The following MGAT4A variants were observed in gnomAD, a reference collection of about 807,000 sequenced individuals.
MGAT4A encodes alpha-1,3-mannosyl-glycoprotein 4-beta-N-acetylglucosaminyltransferase A, also known as N-acetylglucosaminyltransferase IVa.
In MGAT4A, 33 loss-of-function variants were observed where a neutral mutation model predicts 74.1. That is an observed-to-expected ratio of 0.45 (90% CI 0.34 to 0.60). MGAT4A has a LOEUF of 0.60. Ranked by LOEUF, MGAT4A falls within the 20% of genes least tolerant of loss-of-function variation. The probability of loss-of-function intolerance (pLI) is 0.02; values close to 1 mark genes in which losing one functional copy is unlikely to be tolerated. For missense variants in MGAT4A, 479 were observed against 628.3 expected (o/e 0.76, Z 2.54); for synonymous variants, 198 against 210.4 (o/e 0.94, Z 0.51).
intron 4 of MGAT4A, among the ~76,000 whole-genome samples, chr2:98,666,293 TG>T (rs896835928): frequency 3.5e-4 from 53 of 152,050 alleles, no homozygotes; most frequent in Non-Finnish European, 5.9e-5. Context: ...ACAACACACT[TG>T]AGGAGAGGGC....
At chr2:98,660,416 G>GCACA (rs1295134416) in intron 5 of MGAT4A, among the ~76,000 whole-genome samples, 56 of 84,946 alleles carry the variant, frequency 6.6e-4, no homozygotes, top group Admixed American at 2.8e-3. Flanking sequence ...ACACACGCAC[G>GCACA]CGCACACACA....
At position 98,686,936 on chromosome 2, in the gene MGAT4A, CATG is replaced by C. The variant is rs201611142; in HGVS notation, c.95-8468_95-8466del. 7.1e-3 allele frequency among the ~76,000 whole-genome samples: 1,088 copies of C among 152,268 alleles called. 10 individuals carry two copies. The highest frequency in any genetic ancestry group is 0.025 in the African/African-American group (1,030 of 41,558). On this transcript the variant is annotated intron_variant, in intron 2 of 15. Transcript: ENST00000393487. ...TGAGGAACTATAAAAATTCATAACTCATGATAACATTCATTAGAGTACACTTAG... is the reference window on the plus strand; with the variant it reads ...TGAGGAACTATAAAAATTCATAACTCATAACATTCATTAGAGTACACTTAG...
In MGAT4A at chr2:98,678,394, G is replaced by A. The variant is rs750630601; in HGVS notation, c.172C>T (p.Arg58Cys). The A allele has an allele frequency of 8.8e-6, 14 of 1,594,334 alleles. No homozygotes were observed. Among genetic ancestry groups the A allele is most frequent in the East Asian group, 2.2e-5 (1 of 44,752 alleles). ...LRIAEHRISQRSSELNTIVQQ... is the reference protein window; with the variant it reads ...LRIAEHRISQCSSELNTIVQQ... ...ACAATCGTATTTAATTCAGAAGAGC[G>A]CTGTGAGATTCTGTGTTCAGCTATT... Residue 58 changes from arginine (R) to cysteine (C), a missense_variant, in exon 3 of 16, where the codon CGC (arginine) becomes TGC (cysteine). This residue lies in a region of MGAT4A where 205 missense variants were observed against 232.7 expected (regional missense o/e 0.88). Transcript: ENST00000393487.
At chr2:98,646,554 A>C (rs1335657469) in intron 8 of MGAT4A, among the ~76,000 whole-genome samples, 1 of 152,152 alleles carries the variant, frequency 6.6e-6, no homozygotes, top group African/African-American at 2.4e-5. Context: ...AAAAAATTAA[A>C]AAATTAGCCA....
intron 8 of MGAT4A, among the ~76,000 whole-genome samples, chr2:98,648,166 C>T (rs966022020): frequency 7.2e-5 from 11 of 152,220 alleles, no homozygotes; most frequent in African/African-American, 2.4e-4. Flanking sequence ...GCAACTCCCT[C>T]TTTCCTGAGG....
intron 2 of MGAT4A, among the ~76,000 whole-genome samples, chr2:98,690,733 T>C (rs757586666): frequency 1.3e-5 from 2 of 152,208 alleles, no homozygotes; most frequent in Non-Finnish European, 2.9e-5. Flanking sequence ...GCAGCCATCA[T>C]AAAAATGCTT....
chr2:98,660,031 A>T (rs534152428), intron 5 of MGAT4A, among the ~76,000 whole-genome samples: 3 of 44,452 alleles, frequency 6.7e-5, no homozygotes, highest in Admixed American at 4.3e-4. Flanking sequence ...AAAAGTTTTT[A>T]TAACAGGCTT....
At chr2:98,643,892 C>T in intron 10 of MGAT4A, 31 bp downstream of exon 10, 1 of 1,461,828 alleles carries the variant, frequency 6.8e-7, no homozygotes, top group Non-Finnish European at 9.1e-7. Context: ...AGAAGTGAAA[C>T]TCCCTCCACT....
At chr2:98,676,669 T>C (rs907169310) in intron 3 of MGAT4A, among the ~76,000 whole-genome samples, 3 of 152,222 alleles carry the variant, frequency 2.0e-5, no homozygotes, top group East Asian at 1.9e-4. Flanking sequence ...AAAAAATGTT[T>C]AATATATTGT....
chr2:98,707,473 T>G (rs1386028328), intron 2 of MGAT4A, among the ~76,000 whole-genome samples: 2 of 152,172 alleles, frequency 1.3e-5, no homozygotes, highest in African/African-American at 4.8e-5. Context: ...TGTCAAGCTC[T>G]GCCATCTGCA....
At chr2:98,668,023 TCA>T (rs774520320) in intron 4 of MGAT4A, among the ~76,000 whole-genome samples, 34 of 152,120 alleles carry the variant, frequency 2.2e-4, no homozygotes, top group Non-Finnish European at 4.7e-4. Flanking sequence ...CGGCCAGCAT[TCA>T]GTTTTAAGAC....
At position 98,625,004 on chromosome 2, in the gene MGAT4A, C is replaced by G; in HGVS notation, c.*562G>C. The G allele has an allele frequency of 1.0e-6, 1 of 984,196 alleles. No individual in the cohort carries two copies. The highest frequency in any genetic ancestry group is 1.2e-6 in the Non-Finnish European group (1 of 828,766). The allele number at this position is 984,196 out of a possible 1,614,324, so 61.0% of individuals were successfully genotyped here. ...GCATTGGTTTGTAATGTTTGCATTTCCAAAGAAAAATATAGAAAGAACTTA... is the reference window on the plus strand; with the variant it reads ...GCATTGGTTTGTAATGTTTGCATTTGCAAAGAAAAATATAGAAAGAACTTA... On this transcript the variant is annotated 3_prime_UTR_variant, in exon 16 of 16. Coordinates refer to ENST00000393487, the MANE Select transcript of MGAT4A (RefSeq NM_012214.3).
At chr2:98,651,649 G>C (rs752057531) in intron 8 of MGAT4A, among the ~76,000 whole-genome samples, 1 of 152,032 alleles carries the variant, frequency 6.6e-6, no homozygotes, top group Admixed American at 6.6e-5. Flanking sequence ...GAGAGGAAAA[G>C]ATAGACAAAA....
At chr2:98,639,672 G>T in intron 12 of MGAT4A, 136 bp downstream of exon 12, 1 of 611,952 alleles carries the variant, frequency 1.6e-6, no homozygotes, top group Non-Finnish European at 2.7e-6. Context: ...TGTTTTACAT[G>T]TAATTTAAAG....
At chr2:98,640,325 A>G (rs1423286358) in intron 10 of MGAT4A, 97 bp from the exon 11 acceptor site, 16 of 1,043,790 alleles carry the variant, frequency 1.5e-5, no homozygotes, top group Non-Finnish European at 2.1e-5. Context: ...TATTGAAAAG[A>G]AGGGCTGGGC....
chr2:98,700,058 A>G (rs540465405), intron 2 of MGAT4A, among the ~76,000 whole-genome samples: 1 of 152,166 alleles, frequency 6.6e-6, no homozygotes, highest in Admixed American at 6.5e-5. Flanking sequence ...ATATCCTCTC[A>G]TACCCAAACC....
chr2:98,675,441 C>A (rs1252781537), intron 3 of MGAT4A, among the ~76,000 whole-genome samples: 1 of 152,156 alleles, frequency 6.6e-6, no homozygotes, highest in Non-Finnish European at 1.5e-5. Context: ...TAAGGGCTCA[C>A]CTCTATAATG....
chr2:98,642,919 T>C (rs1441428189), intron 10 of MGAT4A, among the ~76,000 whole-genome samples: 1 of 152,152 alleles, frequency 6.6e-6, no homozygotes, highest in African/African-American at 2.4e-5. Flanking sequence ...TCCTAAAACC[T>C]AGCAGGTATG....
intron 2 of MGAT4A, among the ~76,000 whole-genome samples, chr2:98,697,178 T>C (rs1412695070): frequency 6.6e-6 from 1 of 152,166 alleles, no homozygotes; most frequent in African/African-American, 2.4e-5. Flanking sequence ...AAATGCCATA[T>C]AAAAGGTTGG....
Sources: gnomAD v4.1 joint callset for allele counts (sites outside exome capture counted in the v4.1 genomes callset) on GRCh38, gnomAD v4.1.1 for gene constraint, gnomAD v4.1.1 regional missense constraint, MANE v1.5 for transcripts, NCBI Gene and HGNC (gene_info 2026-07-23, HGNC 2026-07-21) for gene names.